Variants in NXPH1 observed in about 807,000 individuals in gnomAD.
NXPH1 encodes the protein neurexophilin 1.
NXPH1 carries 5 observed loss-of-function variants against 23.7 expected under a neutral mutation model. That is an observed-to-expected ratio of 0.21 (90% CI 0.11 to 0.44). The LOEUF is 0.44. NXPH1 is among the 20% of genes least tolerant of loss of function. NXPH1 has a pLI of 0.99. For missense variants in NXPH1, 324 were observed against 321.6 expected (o/e 1.01, Z -0.06); for synonymous variants, 144 against 122.2 (o/e 1.18, Z -1.18).
At chr7:8,714,488 C>G (rs1779846602) in intron 2 of NXPH1, among the ~76,000 whole-genome samples, 1 of 151,612 alleles carries the variant, frequency 6.6e-6, no homozygotes, top group Non-Finnish European at 1.5e-5. Context: ...ACTTTTCCCT[C>G]TACTTTTCTC....
At chr7:8,686,971 G>T (rs1282461712) in intron 2 of NXPH1, among the ~76,000 whole-genome samples, 4 of 152,098 alleles carry the variant, frequency 2.6e-5, no homozygotes, top group Admixed American at 2.6e-4. Flanking sequence ...GCAAGAAGTT[G>T]TACCGTTTGG....
intron 2 of NXPH1, among the ~76,000 whole-genome samples, chr7:8,722,625 A>T (rs1463248109): frequency 6.6e-6 from 1 of 152,208 alleles, no homozygotes; most frequent in Non-Finnish European, 1.5e-5. Flanking sequence ...ACTTGCCAGC[A>T]AAGTTAAGCA....
chr7:8,530,863 C>A (rs1455938136), intron 2 of NXPH1, among the ~76,000 whole-genome samples: 2 of 152,126 alleles, frequency 1.3e-5, no homozygotes, highest in Non-Finnish European at 2.9e-5. Context: ...GAAGTTAATA[C>A]CAATTTATTT....
chr7:8,615,248 T>C (rs1234798043), intron 2 of NXPH1, among the ~76,000 whole-genome samples: 1 of 152,090 alleles, frequency 6.6e-6, no homozygotes. Flanking sequence ...AAAATTGTTA[T>C]TGACTGTCCC....
At position 8,752,074 on chromosome 7, in the gene NXPH1, T is replaced by C; in HGVS notation, c.*305T>C. ...CAGCTTGCGTCTATCATGATTCCTG[T>C]TGAGAGGGCTTTCATTGTCTGACTC... On this transcript the variant is annotated 3_prime_UTR_variant, in exon 3 of 3. Coordinates refer to ENST00000405863, the MANE Select transcript of NXPH1 (RefSeq NM_152745.3). 3 of 267,010 alleles carry C rather than the reference T, an allele frequency of 1.1e-5. No individual in the cohort carries two copies. The highest frequency in any genetic ancestry group is 2.2e-5 in the Non-Finnish European group (3 of 138,320). 16.5% of individuals were successfully genotyped at this position (267,010 alleles called of 1,614,324 possible).
chr7:8,533,706 A>G (rs2128617615), intron 2 of NXPH1, among the ~76,000 whole-genome samples: 1 of 152,268 alleles, frequency 6.6e-6, no homozygotes, highest in East Asian at 1.9e-4. Flanking sequence ...TTCTGTAAAT[A>G]AAAAGCAAAT....
At chr7:8,748,936 A>C (rs1347387067) in intron 2 of NXPH1, among the ~76,000 whole-genome samples, 1 of 152,200 alleles carries the variant, frequency 6.6e-6, no homozygotes, top group South Asian at 2.1e-4. Flanking sequence ...CAATTTGAAC[A>C]GGCAAATAGG....
In NXPH1 at chr7:8,623,222, G is replaced by A. The variant is rs190082042; in HGVS notation, c.55-127786G>A. Among the ~76,000 whole-genome samples, 57 of 152,262 alleles carry A rather than the reference G, an allele frequency of 3.7e-4. 1 individual carries two copies. The highest frequency in any genetic ancestry group is 1.3e-3 in the African/African-American group (54 of 41,560). On this transcript the variant is annotated intron_variant, in intron 2 of 2. Coordinates refer to ENST00000405863, the MANE Select transcript of NXPH1 (RefSeq NM_152745.3). ...CTGCAGGTGCAGAGGAGTGGAGACA[G>A]GGAAGACTCTGGGAGACGAATTAAA...
At chr7:8,663,575 C>T (rs1473937716) in intron 2 of NXPH1, among the ~76,000 whole-genome samples, 1 of 152,028 alleles carries the variant, frequency 6.6e-6, no homozygotes, top group Non-Finnish European at 1.5e-5. Context: ...GCTACAAAAC[C>T]TACTAAAATT....
At chr7:8,609,441 T>C (rs930135564) in intron 2 of NXPH1, among the ~76,000 whole-genome samples, 1 of 152,174 alleles carries the variant, frequency 6.6e-6, no homozygotes, top group Admixed American at 6.5e-5. Flanking sequence ...TTCATGATGT[T>C]GCCTCAAATA....
At chr7:8,509,775 C>T (rs1181699278) in intron 2 of NXPH1, among the ~76,000 whole-genome samples, 2 of 152,128 alleles carry the variant, frequency 1.3e-5, no homozygotes, top group African/African-American at 2.4e-5. Context: ...ACAGTTAACA[C>T]ATGTTCCAAC....
At chr7:8,461,664 A>G in intron 2 of NXPH1, among the ~76,000 whole-genome samples, 1 of 150,188 alleles carries the variant, frequency 6.7e-6, no homozygotes. Flanking sequence ...CCCCGTCTCT[A>G]CTAAAAATAC....
chr7:8,504,916 G>C (rs1470844131), intron 2 of NXPH1, among the ~76,000 whole-genome samples: 2 of 151,984 alleles, frequency 1.3e-5, no homozygotes, highest in Non-Finnish European at 2.9e-5. Flanking sequence ...CTAGAACTGT[G>C]AAAAATAAAT....
intron 2 of NXPH1, among the ~76,000 whole-genome samples, chr7:8,437,797 C>A (rs1460432774): frequency 6.6e-6 from 1 of 152,184 alleles, no homozygotes; most frequent in Non-Finnish European, 1.5e-5. Context: ...TATGCTGATT[C>A]AATTACCGTT....
At chr7:8,565,806 G>T (rs537140066) in intron 2 of NXPH1, among the ~76,000 whole-genome samples, 2 of 151,894 alleles carry the variant, frequency 1.3e-5, no homozygotes, top group East Asian at 3.9e-4. Context: ...CAACTTTACA[G>T]TGGGTTTGGC....
chr7:8,701,451 C>G (rs533783011), intron 2 of NXPH1, among the ~76,000 whole-genome samples: 2 of 152,168 alleles, frequency 1.3e-5, no homozygotes, highest in East Asian at 3.9e-4. Context: ...TCCTACAAGA[C>G]AGTACTTCTT....
chr7:8,443,874 A>G (rs1232277009), intron 2 of NXPH1, among the ~76,000 whole-genome samples: 1 of 151,886 alleles, frequency 6.6e-6, no homozygotes, highest in African/African-American at 2.4e-5. Context: ...ACGACGAACA[A>G]CCGCCCCCTA....
chr7:8,570,720 G>A (rs1307403036), intron 2 of NXPH1, among the ~76,000 whole-genome samples: 1 of 151,832 alleles, frequency 6.6e-6, no homozygotes, highest in African/African-American at 2.4e-5. Flanking sequence ...GTCTGGAAGT[G>A]GGAGGGAAGA....
intron 2 of NXPH1, among the ~76,000 whole-genome samples, chr7:8,683,058 G>A (rs1013812): frequency 0.36 from 55,047 of 152,050 alleles, 10,317 homozygotes; most frequent in East Asian, 0.62. Flanking sequence ...TTGGCTTGGA[G>A]TTCTGCAAAC....
Sources: allele counts gnomAD v4.1 joint callset (sites outside exome capture counted in the v4.1 genomes callset), GRCh38; gene constraint gnomAD v4.1.1; transcripts MANE v1.5; gene names NCBI Gene and HGNC (gene_info 2026-07-23, HGNC 2026-07-21).